Variants in NSD2 observed in about 807,000 individuals in gnomAD.
NSD2 encodes the protein histone-lysine N-methyltransferase NSD2.
In NSD2, 12 loss-of-function variants were observed where a neutral mutation model predicts 139.0. The observed-to-expected ratio is 0.09, with a 90% CI of 0.06 to 0.14. NSD2 has a LOEUF of 0.14. Among genes scored for constraint, NSD2 ranks in the 10% least tolerant of loss-of-function variants. The pLI is 1.00. For missense variants in NSD2, 1,155 were observed against 1,745.0 expected (o/e 0.66, Z 6.02); for synonymous variants, 669 against 648.7 (o/e 1.03, Z -0.48).
intron 6 of NSD2, among the ~76,000 whole-genome samples, chr4:1,931,522 A>AT (rs1721630892): frequency 6.6e-6 from 1 of 152,198 alleles, no homozygotes; most frequent in Non-Finnish European, 1.5e-5. Context: ...TCAATTTAAA[A>AT]TTAAAAAAAA....
chr4:1,958,070 G>A lies in NSD2; in HGVS notation c.2985+34G>A. The stretch of plus-strand genomic sequence containing the variant: ...TGGGAGCTGCGTGCACGCGTGTGGA[G>A]GGAGTCTTCCCCGAGGGCCGTGAGA... On this transcript the variant is annotated intron_variant, in intron 16 of 21. Coordinates refer to ENST00000508803, the MANE Select transcript of NSD2 (RefSeq NM_001042424.3). This position sits in a 1 kb window ranked among gnomAD's most constrained non-coding sequence, Gnocchi z 4.6. 1.2e-6 allele frequency: 2 copies of A among 1,600,570 alleles called. No individual in the cohort carries two copies. The highest frequency in any genetic ancestry group is 1.7e-6 in the Non-Finnish European group (2 of 1,171,014).
chr4:1,931,614 A>C (rs1721641900), intron 6 of NSD2, among the ~76,000 whole-genome samples: 1 of 152,120 alleles, frequency 6.6e-6, no homozygotes, highest in Non-Finnish European at 1.5e-5. Context: ...ACCTAAAGGG[A>C]AGTCGGGGCC....
chr4:1,919,913 C>T (rs1047412877), intron 5 of NSD2, among the ~76,000 whole-genome samples: 12 of 151,112 alleles, frequency 7.9e-5, no homozygotes, highest in Non-Finnish European at 1.2e-4. Flanking sequence ...TCCAGCCTGG[C>T]GACAGAATGA....
In NSD2 at chr4:1,922,957, G is replaced by A. The variant is rs572236192; in HGVS notation, c.1410+4334G>A. 2.0e-5 allele frequency among the ~76,000 whole-genome samples: 3 copies of A among 152,144 alleles called. No homozygotes were observed. In the East Asian group the frequency reaches 5.8e-4, roughly 29 times the overall value. ...AATAAAATAGCAGTATTCACGCAGG[G>A]CAGTGATATGGCCCAAGACGGGGCC... On this transcript the variant is annotated intron_variant, in intron 5 of 21. Transcript: ENST00000508803.
intron 18 of NSD2, among the ~76,000 whole-genome samples, chr4:1,961,761 C>T (rs531411887): frequency 3.3e-4 from 51 of 152,328 alleles, no homozygotes; most frequent in African/African-American, 9.9e-4. Context: ...CCTTCCAGGG[C>T]GGCTCCTTCA....
At chr4:1,875,707 C>T (rs1157520689) in intron 1 of NSD2, among the ~76,000 whole-genome samples, 2 of 150,602 alleles carry the variant, frequency 1.3e-5, no homozygotes, top group African/African-American at 4.9e-5. Context: ...TCGAGACCAT[C>T]CTGGCTAACA....
At chr4:1,946,349 C>T in intron 9 of NSD2, 6 of 538,778 alleles carry the variant, frequency 1.1e-5, no homozygotes, top group Non-Finnish European at 1.4e-5. Context: ...CTCACTGCAA[C>T]CTCCGCCTCC....
At chr4:1,873,238 C>G (rs1478458440) in intron 1 of NSD2, among the ~76,000 whole-genome samples, 1 of 152,182 alleles carries the variant, frequency 6.6e-6, no homozygotes, top group Non-Finnish European at 1.5e-5. Context: ...GATCTCAGTA[C>G]AAAAATTGTC....
At chr4:1,945,234 G>A (rs961827376) in intron 9 of NSD2, 6 of 1,066,942 alleles carry the variant, frequency 5.6e-6, no homozygotes, top group Non-Finnish European at 6.8e-6. Context: ...ACGGGGTGGG[G>A]TGGGGAGATG....
Position 1,972,257 on chromosome 4 carries a change from C to T in NSD2, c.3373-2606C>T, listed in dbSNP as rs371657472. Reference sequence around the variant, plus strand: ...GTGGAAAGTTCGGCAGTGTCACTGACGGACACAAGAGATGATATGGATGAG... The same window carrying T: ...GTGGAAAGTTCGGCAGTGTCACTGATGGACACAAGAGATGATATGGATGAG... On this transcript the variant is annotated intron_variant, in intron 18 of 21. Transcript: ENST00000508803. This position sits in a 1 kb window ranked among gnomAD's most constrained non-coding sequence, Gnocchi z 4.0. Among the ~76,000 whole-genome samples, 7 of 152,206 alleles carry T rather than the reference C, an allele frequency of 4.6e-5. No homozygotes were observed. The highest frequency in any genetic ancestry group is 2.1e-4 in the South Asian group (1 of 4,832).
chr4:1,883,058 G>A (rs953178085), intron 1 of NSD2, among the ~76,000 whole-genome samples: 1 of 152,118 alleles, frequency 6.6e-6, no homozygotes, highest in African/African-American at 2.4e-5. Flanking sequence ...GGCCTCTGGA[G>A]TAAAATTGAT....
intron 21 of NSD2, among the ~76,000 whole-genome samples, chr4:1,977,453 A>G (rs2109028148): frequency 6.6e-6 from 1 of 152,328 alleles, no homozygotes; most frequent in Middle Eastern, 3.4e-3. Context: ...TCACAGAAGA[A>G]AAATTAAATG....
Position 1,979,144 on chromosome 4 carries a change from C to G in NSD2, c.*235C>G, listed in dbSNP as rs182916097. 4.1e-5 allele frequency: 18 copies of G among 441,736 alleles called. No individual in the cohort carries two copies. Among genetic ancestry groups the G allele is most frequent in the African/African-American group, 3.2e-4 (16 of 49,518 alleles). 27.4% of individuals were successfully genotyped at this position (441,736 alleles called of 1,614,324 possible). A position where few individuals can be genotyped will look rare whatever the true frequency, so the allele number is the denominator to read the frequency against. On this transcript the variant is annotated 3_prime_UTR_variant, in exon 22 of 22. Coordinates refer to ENST00000508803, the MANE Select transcript of NSD2 (RefSeq NM_001042424.3). ...CTCAGCGTTCCTGGACAAACAGCCTCACTCCTCAGCGTTACCGCCACACTT... is the reference window on the plus strand; with the variant it reads ...CTCAGCGTTCCTGGACAAACAGCCTGACTCCTCAGCGTTACCGCCACACTT...
Position 1,900,931 on chromosome 4 carries a change from GCACACGATGCCAAACTGCGTTTTGAGT to G in NSD2, c.279_305del (p.His94_Ser102del). ...CCGGGTGTTTAATGGAGAACCCGGCGCACACGATGCCAAACTGCGTTTTGAGTCCCAGGAAATGAAAGGGATTGGGAC... is the reference window on the plus strand; with the variant it reads ...CCGGGTGTTTAATGGAGAACCCGGCGCCCAGGAAATGAAAGGGATTGGGAC... On this transcript the variant is annotated inframe_deletion, in exon 2 of 22. Transcript: ENST00000508803. The G allele has an allele frequency of 6.2e-7, 1 of 1,614,142 alleles. No individual in the cohort carries two copies. The highest frequency in any genetic ancestry group is 1.1e-5 in the South Asian group (1 of 91,076).
rs376608408 is a variant in NSD2 at position 1,951,755 on chromosome 4, T to TGCCTGCCGTCAGCGTGGC, written c.2014-352_2014-335dup. Among the ~76,000 whole-genome samples the TGCCTGCCGTCAGCGTGGC allele has an allele frequency of 4.5e-3, 683 of 152,330 alleles. 1 individual carries two copies. The highest frequency in any genetic ancestry group is 0.015 in the African/African-American group (632 of 41,580). On this transcript the variant is annotated intron_variant, in intron 10 of 21. Coordinates refer to ENST00000508803, the MANE Select transcript of NSD2 (RefSeq NM_001042424.3). ...GTCGATGCATGGGAAGTGTGAATAC[T>TGCCTGCCGTCAGCGTGGC]GCCTGCCGTCAGCGTGGCACCTGCC...
intron 18 of NSD2, among the ~76,000 whole-genome samples, chr4:1,969,980 G>A (rs1252954736): frequency 6.6e-6 from 1 of 152,162 alleles, no homozygotes; most frequent in African/African-American, 2.4e-5. Flanking sequence ...CCACAAGAAC[G>A]GCACGAAGGT....
intron 19 of NSD2, 63 bp from the exon 20 acceptor site, chr4:1,975,231 C>T: frequency 6.6e-7 from 1 of 1,526,096 alleles, no homozygotes; most frequent in Non-Finnish European, 9.1e-7. Context: ...TAATACACGC[C>T]CCTTAGCTTT....
chr4:1,934,142 A>G (rs978871633), intron 6 of NSD2, among the ~76,000 whole-genome samples: 62 of 151,266 alleles, frequency 4.1e-4, no homozygotes, highest in Non-Finnish European at 5.7e-4. Context: ...CTGGAGTGCA[A>G]TGGCACAATC....
intron 1 of NSD2, among the ~76,000 whole-genome samples, chr4:1,891,856 C>CAAAAAAAAAA (rs74332369): frequency 3.4e-5 from 2 of 59,166 alleles, no homozygotes; most frequent in African/African-American, 6.3e-5. Context: ...GACTCCATCT[C>CAAAAAAAAAA]AAAAAAAAAA....
Sources: allele counts gnomAD v4.1 joint callset (sites outside exome capture counted in the v4.1 genomes callset), GRCh38; gene constraint gnomAD v4.1.1; non-coding constraint Gnocchi (gnomAD v3.1); transcripts MANE v1.5; gene names NCBI Gene and HGNC (gene_info 2026-07-23, HGNC 2026-07-21).